Variants in ARHGEF6 observed in about 807,000 individuals in gnomAD.
ARHGEF6 encodes the protein rho guanine nucleotide exchange factor 6.
In ARHGEF6, 9 loss-of-function variants were observed where a neutral mutation model predicts 70.3. That is an observed-to-expected ratio of 0.13 (90% CI 0.08 to 0.22). The LOEUF is 0.22. Among genes scored for constraint, ARHGEF6 ranks in the 10% least tolerant of loss-of-function variants. The probability of loss-of-function intolerance (pLI) is 1.00; values close to 1 mark genes in which losing one functional copy is unlikely to be tolerated. For missense variants in ARHGEF6, 470 were observed against 563.0 expected, an observed-to-expected ratio of 0.83 and a Z score of 1.67; for synonymous variants, 201 against 207.8, an observed-to-expected ratio of 0.97 and a Z score of 0.28.
chrX:136,735,361 A>G (rs749021915), intron 5 of ARHGEF6, among the ~76,000 whole-genome samples: 1 of 110,573 alleles, frequency 9.0e-6, no homozygotes, highest in East Asian at 2.8e-4. Flanking sequence ...CCCGACCCCT[A>G]CCACTTCTTA....
At chrX:136,756,460 T>C (rs2077208707) in intron 2 of ARHGEF6, among the ~76,000 whole-genome samples, 1 of 111,538 alleles carries the variant, frequency 9.0e-6, no homozygotes. Context: ...TTTCTGGAAT[T>C]GGTTATATTT....
At chrX:136,710,150 A>G (rs910543027) in intron 7 of ARHGEF6, among the ~76,000 whole-genome samples, 3 of 107,298 alleles carry the variant, frequency 2.8e-5, no homozygotes, top group Admixed American at 2.0e-4. Context: ...TACTAAAAAT[A>G]CAAAATTGCC....
chrX:136,719,105 A>T (rs755965802), intron 6 of ARHGEF6, among the ~76,000 whole-genome samples: 58 of 109,301 alleles, frequency 5.3e-4, no homozygotes, highest in African/African-American at 1.8e-3. Flanking sequence ...CTCTATCAGA[A>T]ATGGAGAGAT....
At chrX:136,727,373 C>CT (rs1444158656) in intron 6 of ARHGEF6, among the ~76,000 whole-genome samples, 1 of 70,079 alleles carries the variant, frequency 1.4e-5, no homozygotes, top group Admixed American at 1.7e-4. Flanking sequence ...TTCTTTCTTT[C>CT]TTTCTTTCTT....
intron 4 of ARHGEF6, among the ~76,000 whole-genome samples, chrX:136,744,934 T>C (rs931635278): frequency 8.9e-6 from 1 of 112,338 alleles, no homozygotes; most frequent in African/African-American, 3.2e-5. Context: ...CAAACTGCCA[T>C]CAGAAAGTAG....
At chrX:136,764,564 C>G (rs1056710333) in intron 2 of ARHGEF6, among the ~76,000 whole-genome samples, 1 of 111,352 alleles carries the variant, frequency 9.0e-6, no homozygotes, top group African/African-American at 3.3e-5. Context: ...ATATAGAGTA[C>G]CAAAACAGGT....
rs375016887 is a variant in ARHGEF6 at position 136,701,768 on chromosome X, C to T, written c.1046+5140G>A. ...TGTCACCCAGGCTGGAGTGCAGTGG[C>T]GCCATCTTGGCTCACTGCAAGCTCC... is the stretch of plus-strand genomic sequence containing the variant. On this transcript the variant is annotated intron_variant, in intron 9 of 21. Transcript: ENST00000250617. Among the ~76,000 whole-genome samples the T allele has an allele frequency of 6.4e-3, 591 of 92,180 alleles. 8 individuals carry two copies. Among genetic ancestry groups the T allele is most frequent in the African/African-American group, 0.023 (537 of 23,420 alleles). 80.0% of individuals were successfully genotyped at this position (92,180 alleles called of 115,157 possible). A position where few individuals can be genotyped will look rare whatever the true frequency, so the allele number is the denominator to read the frequency against.
chrX:136,733,131 A>T lies in ARHGEF6; in HGVS notation c.662-959T>A, dbSNP rs763195296. Among the ~76,000 whole-genome samples the T allele has an allele frequency of 5.7e-4, 60 of 104,788 alleles. No homozygotes were observed. The East Asian group carries it at 6.7e-3, about 12-fold the overall frequency. The allele number at this position is 104,788 out of a possible 115,157, so 91.0% of individuals were successfully genotyped here. A position where few individuals can be genotyped will look rare whatever the true frequency, so the allele number is the denominator to read the frequency against. On this transcript the variant is annotated intron_variant, in intron 5 of 21. Transcript: ENST00000250617. ...CCTAGGACATTCTTTCTTTTTTTTT[A>T]AAAAAAAAACAATAAAAATATGAGA... is the stretch of plus-strand genomic sequence containing the variant.
intron 7 of ARHGEF6, among the ~76,000 whole-genome samples, chrX:136,711,304 C>A (rs896842283): frequency 4.5e-5 from 5 of 111,844 alleles, no homozygotes; most frequent in African/African-American, 1.6e-4. Context: ...CTGCCTGTCA[C>A]TTCCAGAAAA....
rs187104213 is a variant in ARHGEF6 at position 136,708,684 on chromosome X, T to C, written c.914A>G (p.Glu305Gly). 8.3e-7 allele frequency: 1 copy of C among 1,200,732 alleles called. No homozygotes were observed. The highest frequency in any genetic ancestry group is 1.1e-6 in the Non-Finnish European group (1 of 887,624). Residue 305 changes from glutamate to glycine, a missense_variant, in exon 8 of 22, where the codon GAA becomes GGA. Around this residue, in one of 3 missense-constraint regions of ARHGEF6, gnomAD observed 379 missense variants for 449.3 expected, o/e 0.84. Transcript: ENST00000250617. The part of the protein sequence containing the change: ...FQQTLCQALE[E>G]CSKFPENQHK... ...AATATGCCACACTTACTTTGAACAT[T>C]CTTCCAAGGCTTGGCAGAGTGTCTG...
rs1177923511 is a variant in ARHGEF6, at chrX:136,665,842, CAGAGTACCG to C, written c.*2178_*2186del. 8.9e-6 allele frequency: 1 copy of C among 112,282 alleles called. No homozygotes were observed. Among genetic ancestry groups the C allele is most frequent in the Non-Finnish European group, 1.9e-5 (1 of 53,192 alleles). 9.3% of individuals were successfully genotyped at this position (112,282 alleles called of 1,213,427 possible). The stretch of plus-strand genomic sequence containing the variant: ...ACCACTCTGCACAAGCTTCGTTATC[CAGAGTACCG>C]AGGGCCCCTCATCAGAAGGGCCAAG... On this transcript the variant is annotated 3_prime_UTR_variant, in exon 22 of 22. Coordinates refer to ENST00000250617, the MANE Select transcript of ARHGEF6 (RefSeq NM_004840.3).
At position 136,735,927 on chromosome X, in the gene ARHGEF6, T is replaced by C. The variant is rs920886588; in HGVS notation, c.662-3755A>G. Among the ~76,000 whole-genome samples the C allele has an allele frequency of 6.2e-5, 7 of 112,156 alleles. No homozygotes were observed. In the East Asian group the frequency reaches 2.0e-3, roughly 31 times the overall value. ...TTTCTTAATATGCCTTAATACAAAT[T>C]TAATTAACCATGTACCTAATCCCCT... On this transcript the variant is annotated intron_variant, in intron 5 of 21. Coordinates refer to ENST00000250617, the MANE Select transcript of ARHGEF6 (RefSeq NM_004840.3).
At chrX:136,735,610 T>C (rs764261890) in intron 5 of ARHGEF6, among the ~76,000 whole-genome samples, 5 of 111,774 alleles carry the variant, frequency 4.5e-5, no homozygotes, top group South Asian at 3.7e-4. Context: ...AGAATTCCAA[T>C]GGATTGTTCG....
In ARHGEF6 at chrX:136,690,575, G is replaced by A. The variant is rs368084791; in HGVS notation, c.1185+35C>T. The A allele has an allele frequency of 1.1e-4, 128 of 1,207,023 alleles. No homozygotes were observed. The African/African-American group carries it at 2.1e-3, about 20-fold the overall frequency. ...TCCTCCAGAGCACAGGACCATACTTGGCACACGAGCTTGAAAAAGTTCACC... is the reference window on the plus strand; with the variant it reads ...TCCTCCAGAGCACAGGACCATACTTAGCACACGAGCTTGAAAAAGTTCACC... On this transcript the variant is annotated intron_variant, in intron 10 of 21. Transcript: ENST00000250617.
intron 7 of ARHGEF6, among the ~76,000 whole-genome samples, chrX:136,710,956 C>CCA (rs957157242): frequency 2.7e-5 from 3 of 111,746 alleles, no homozygotes; most frequent in African/African-American, 9.8e-5. Flanking sequence ...CCATGAGATA[C>CCA]CACCTCCGCC....
At chrX:136,700,458 C>G (rs1250304896) in intron 9 of ARHGEF6, among the ~76,000 whole-genome samples, 2 of 110,592 alleles carry the variant, frequency 1.8e-5, no homozygotes, top group Non-Finnish European at 3.8e-5. Flanking sequence ...ACCTGTGAGG[C>G]AAAGGTTGCA....
intron 9 of ARHGEF6, among the ~76,000 whole-genome samples, chrX:136,701,771 C>G (rs774743779): frequency 5.5e-4 from 55 of 99,271 alleles, no homozygotes; most frequent in African/African-American, 1.9e-3. Flanking sequence ...GCAGTGGCGC[C>G]ATCTTGGCTC....
intron 9 of ARHGEF6, among the ~76,000 whole-genome samples, chrX:136,694,391 G>A (rs1462725435): frequency 1.8e-5 from 2 of 111,953 alleles, no homozygotes; most frequent in Non-Finnish European, 3.8e-5. Context: ...AGTCTTACTT[G>A]CTCCCTTCTC....
intron 2 of ARHGEF6, 142 bp downstream of exon 2, chrX:136,779,272 A>G (rs751621803): frequency 2.0e-5 from 11 of 562,340 alleles, no homozygotes; most frequent in Non-Finnish European, 3.1e-5. Context: ...CTAGCAATCC[A>G]TTACTGGGGA....
Sources: gnomAD v4.1 joint callset for allele counts (sites outside exome capture counted in the v4.1 genomes callset) on GRCh38, gnomAD v4.1.1 for gene constraint, gnomAD v4.1.1 regional missense constraint, MANE v1.5 for transcripts, NCBI Gene and HGNC (gene_info 2026-07-23, HGNC 2026-07-21) for gene names.